MICAL3: variants seen among roughly 807,000 people sequenced by gnomAD.
MICAL3 encodes [F-actin]-monooxygenase MICAL3.
MICAL3 carries 62 observed loss-of-function variants against 207.4 expected under a neutral mutation model. The observed-to-expected ratio is 0.30, with a 90% CI of 0.24 to 0.37. The LOEUF is 0.37. MICAL3 is among the 10% of genes least tolerant of loss of function. MICAL3 has a pLI of 1.00. For synonymous variants in MICAL3, 1,077 were observed against 1,069.3 expected, an observed-to-expected ratio of 1.01 and a Z score of -0.14; for missense variants, 2,368 against 2,635.6, an observed-to-expected ratio of 0.90 and a Z score of 2.22.
intron 1 of MICAL3, among the ~76,000 whole-genome samples, chr22:17,969,189 G>A (rs561586658): frequency 6.6e-6 from 1 of 152,212 alleles, no homozygotes; most frequent in South Asian, 2.1e-4. Flanking sequence ...ACAGGCGTCC[G>A]CCACCACACC....
chr22:17,820,823 TTAATA>T (rs1469201713), intron 25 of MICAL3, among the ~76,000 whole-genome samples: 2 of 147,694 alleles, frequency 1.4e-5, no homozygotes, highest in African/African-American at 2.5e-5. Context: ...TATATTATTT[TTAATA>T]TATTATAAAT....
In MICAL3 at chr22:17,900,240, G is replaced by A. The variant is rs1029855134; in HGVS notation, c.847+602C>T. On this transcript the variant is annotated intron_variant, in intron 6 of 31. Transcript: ENST00000441493. This position sits in a 1 kb window ranked among gnomAD's most constrained non-coding sequence, Gnocchi z 4.0. ...CAGCTACACCAAGCAGCATGCCTCA[G>A]CATCACAGCACAGGGCAGGCATTGG... Among the ~76,000 whole-genome samples, 2 of 152,142 alleles carry A rather than the reference G, an allele frequency of 1.3e-5. No individual in the cohort carries two copies. Among genetic ancestry groups the A allele is most frequent in the Admixed American group, 6.5e-5 (1 of 15,272 alleles).
rs1931738363 is a variant in MICAL3, at chr22:17,906,591, A to C, written c.222T>G (p.Ser74Arg). The C allele has an allele frequency of 6.2e-7, 1 of 1,613,422 alleles. No individual in the cohort carries two copies. Among genetic ancestry groups the C allele is most frequent in the Non-Finnish European group, 8.5e-7 (1 of 1,179,538 alleles). The change falls in exon 2 of 32, where the codon AGT becomes AGG. Residue 74 changes from serine to arginine, a missense_variant. Coordinates refer to ENST00000441493, the MANE Select transcript of MICAL3 (RefSeq NM_015241.3). ...ALWAKLDKRGSHKDYKKGKAC... is the reference protein window; with the variant it reads ...ALWAKLDKRGRHKDYKKGKAC... ...CTTTTCCCTTTTTGTAGTCTTTGTG[A>C]CTGCCCCGTTTGTCCAATTTTGCCC...
Position 17,866,030 on chromosome 22 carries a change from C to A in MICAL3, c.2429-18G>T. On this transcript the variant is annotated intron_variant, in intron 17 of 31. Coordinates refer to ENST00000441493, the MANE Select transcript of MICAL3 (RefSeq NM_015241.3). ...GAATTTACCTGCAGACAGCAAGAGG[C>A]AGGGACAGAGGCGATGAGCCAGGCA... 1 of 1,595,412 alleles carries A rather than the reference C, an allele frequency of 6.3e-7. No individual in the cohort carries two copies. Among genetic ancestry groups the A allele is most frequent in the Non-Finnish European group, 8.6e-7 (1 of 1,163,110 alleles).
intron 1 of MICAL3, among the ~76,000 whole-genome samples, chr22:18,014,116 GACACAC>G (rs35404796): frequency 6.8e-6 from 1 of 147,938 alleles, no homozygotes; most frequent in Non-Finnish European, 1.5e-5. Context: ...CCCTCTCTTA[GACACAC>G]ACACACACAC....
chr22:17,913,608 C>T (rs1341322467), intron 1 of MICAL3, among the ~76,000 whole-genome samples: 1 of 152,118 alleles, frequency 6.6e-6, no homozygotes, highest in Non-Finnish European at 1.5e-5. Context: ...CTAGAGGCAT[C>T]TGAGAAGAGC....
rs551069272 is a variant in MICAL3 at position 17,831,879 on chromosome 22, G to T, written c.3030C>A (p.Asp1010Glu). The T allele has an allele frequency of 6.4e-7, 1 of 1,553,174 alleles. No homozygotes were observed. Among genetic ancestry groups the T allele is most frequent in the East Asian group, 2.4e-5 (1 of 41,072 alleles). ...CTTCACTGGACTCTTCCTCCTCCTCGTCATAGTCCTCCTCCTCCTCCTCTT... is the reference window on the plus strand; with the variant it reads ...CTTCACTGGACTCTTCCTCCTCCTCTTCATAGTCCTCCTCCTCCTCCTCTT... ...EYEEEEEEDY[D>E]EEEEESSEAG... is the part of the protein sequence containing the mutation. Residue 1010 changes from aspartate to glutamate, a missense_variant, in exon 21 of 32, where the codon GAC becomes GAA. Physicochemically the swap from Asp to Glu is conservative, Grantham distance 45 (BLOSUM62 2). Transcript: ENST00000441493.
rs117965515 is a variant in MICAL3 at position 17,793,084 on chromosome 22, A to G, written c.5651-1783T>C. On this transcript the variant is annotated intron_variant, in intron 29 of 31. Coordinates refer to ENST00000441493, the MANE Select transcript of MICAL3 (RefSeq NM_015241.3). The surrounding 1 kb of genome is among the most constrained non-coding windows in gnomAD (Gnocchi z 4.1). ...GACGTGCGGACAGCGCTCACTAGCT[A>G]TGGAGAGCTCGCCCACGGCCGCCAG... Among the ~76,000 whole-genome samples the G allele has an allele frequency of 9.1e-4, 139 of 152,248 alleles. No individual in the cohort carries two copies. Among genetic ancestry groups the G allele is most frequent in the Non-Finnish European group, 1.7e-3 (115 of 67,998 alleles).
intron 18 of MICAL3, among the ~76,000 whole-genome samples, chr22:17,865,430 A>C (rs1248855258): frequency 6.6e-6 from 1 of 152,194 alleles, no homozygotes; most frequent in Non-Finnish European, 1.5e-5. Flanking sequence ...GAGGATAAGG[A>C]AGGAAAAAAT....
intron 27 of MICAL3, chr22:17,815,572 C>G (rs2062096134): frequency 6.6e-6 from 1 of 152,316 alleles, no homozygotes; most frequent in South Asian, 2.1e-4. Flanking sequence ...CACACTCTCC[C>G]TGTCCCTGAG....
Position 17,793,070 on chromosome 22 carries a change from A to G in MICAL3, c.5651-1769T>C, listed in dbSNP as rs977322353. Among the ~76,000 whole-genome samples, 1 of 152,124 alleles carries G rather than the reference A, an allele frequency of 6.6e-6. No individual in the cohort carries two copies. The highest frequency in any genetic ancestry group is 1.5e-5 in the Non-Finnish European group (1 of 68,028). ...AAAATGCCACCGGAGACGTGCGGAC[A>G]GCGCTCACTAGCTATGGAGAGCTCG... is the stretch of plus-strand genomic sequence containing the variant. On this transcript the variant is annotated intron_variant, in intron 29 of 31. Coordinates refer to ENST00000441493, the MANE Select transcript of MICAL3 (RefSeq NM_015241.3). This position sits in a 1 kb window ranked among gnomAD's most constrained non-coding sequence, Gnocchi z 4.1.
At chr22:17,856,257 C>T (rs1402928061) in intron 19 of MICAL3, among the ~76,000 whole-genome samples, 1 of 152,248 alleles carries the variant, frequency 6.6e-6, no homozygotes, top group Non-Finnish European at 1.5e-5. Flanking sequence ...GCTTTACTGT[C>T]AATTTTTATT....
intron 1 of MICAL3, among the ~76,000 whole-genome samples, chr22:17,991,063 C>T (rs186664166): frequency 1.4e-4 from 21 of 152,356 alleles, no homozygotes; most frequent in Non-Finnish European, 2.4e-4. Flanking sequence ...ATGGTCCACA[C>T]GGCTCCTGGC....
At chr22:17,869,715 A>G (rs1409843128) in intron 17 of MICAL3, among the ~76,000 whole-genome samples, 3 of 152,184 alleles carry the variant, frequency 2.0e-5, no homozygotes, top group African/African-American at 7.2e-5. Flanking sequence ...TGAATCTCTG[A>G]CCTGGAATGA....
intron 1 of MICAL3, among the ~76,000 whole-genome samples, chr22:17,945,898 G>A (rs1934044192): frequency 6.6e-6 from 1 of 152,192 alleles, no homozygotes; most frequent in Non-Finnish European, 1.5e-5. Context: ...CTCGGTGGCG[G>A]AAGGGCCATA....
At chr22:17,810,125 C>T (rs2062028901) in intron 28 of MICAL3, among the ~76,000 whole-genome samples, 1 of 144,552 alleles carries the variant, frequency 6.9e-6, no homozygotes, top group Admixed American at 7.0e-5. Context: ...TGCAGTGGCA[C>T]AATCTCGGCT....
At chr22:17,815,848 G>A (rs535786089) in intron 27 of MICAL3, among the ~76,000 whole-genome samples, 6 of 152,362 alleles carry the variant, frequency 3.9e-5, no homozygotes, top group East Asian at 1.9e-4. Context: ...GGGCTCAGGC[G>A]CACCAAGGCC....
rs1330215322 is a variant in MICAL3, at chr22:17,822,058, C to T, written c.3420G>A (p.Leu1140=). ...TCTCTTGGTGCTTCGGTGAGGCGGGCAGCTTCTCCTCATCTTCCGACACCC... is the reference window on the plus strand; with the variant it reads ...TCTCTTGGTGCTTCGGTGAGGCGGGTAGCTTCTCCTCATCTTCCGACACCC... ...ELRVSEDEEK[L]PASPKHQERG... The change falls in exon 24 of 32, where the codon CTG becomes CTA. Residue 1140 remains leucine (L), a synonymous_variant. Coordinates refer to ENST00000441493, the MANE Select transcript of MICAL3 (RefSeq NM_015241.3). The T allele has an allele frequency of 1.2e-5, 19 of 1,613,784 alleles. No homozygotes were observed. Among genetic ancestry groups the T allele is most frequent in the Non-Finnish European group, 1.5e-5 (18 of 1,179,866 alleles).
intron 16 of MICAL3, chr22:17,872,787 C>T: frequency 6.2e-7 from 1 of 1,613,836 alleles, no homozygotes; most frequent in Non-Finnish European, 8.5e-7. Context: ...TTGTTCTTTC[C>T]TTTGAAGCTG....
Sources: allele counts gnomAD v4.1 joint callset (sites outside exome capture counted in the v4.1 genomes callset), GRCh38; gene constraint gnomAD v4.1.1; non-coding constraint Gnocchi (gnomAD v3.1); transcripts MANE v1.5; gene names NCBI Gene and HGNC (gene_info 2026-07-23, HGNC 2026-07-21).